PRIM2: variants seen among roughly 807,000 people sequenced by gnomAD.
The protein encoded by PRIM2 is DNA primase subunit 2, also known as DNA primase large subunit.
Under a neutral mutation model 67.3 loss-of-function variants are expected in PRIM2, and 39 were observed. The ratio of observed to expected loss-of-function variants is 0.58; its 90% CI spans 0.45 to 0.76. The LOEUF (loss-of-function observed/expected upper bound fraction) is 0.76. Ranked by LOEUF, PRIM2 falls within the 30% of genes least tolerant of loss-of-function variation. PRIM2 has a pLI of 0.00. For missense variants in PRIM2, 398 were observed against 598.7 expected (o/e 0.66, Z 3.50); for synonymous variants, 143 against 198.7 (o/e 0.72, Z 2.36).
intron 5 of PRIM2, among the ~76,000 whole-genome samples, chr6:57,347,640 T>C (rs7739471): frequency 0.13 from 19,307 of 152,046 alleles, 1,381 homozygotes; most frequent in African/African-American, 0.18. Context: ...AATAAGTTCT[T>C]ACTGTGTTGC....
intron 5 of PRIM2, among the ~76,000 whole-genome samples, chr6:57,326,755 A>G (rs954830818): frequency 1.3e-5 from 2 of 152,148 alleles, no homozygotes; most frequent in Non-Finnish European, 2.9e-5. Flanking sequence ...CAAAAATGTC[A>G]GTAAGATCTG....
At chr6:57,278,981 T>C in the PRIM2 span, among the ~76,000 whole-genome samples, 1 of 152,218 alleles carries the variant, frequency 6.6e-6, no homozygotes, top group Non-Finnish European at 1.5e-5. Flanking sequence ...ATTCAAATAT[T>C]CTGTTATGCT....
intron 5 of PRIM2, among the ~76,000 whole-genome samples, chr6:57,331,855 G>T (rs1768067670): frequency 6.6e-6 from 1 of 151,096 alleles, no homozygotes; most frequent in Admixed American, 6.6e-5. Context: ...ACCAACTTTT[G>T]GTTTCATTGA....
the PRIM2 span, among the ~76,000 whole-genome samples, chr6:57,286,689 T>C: frequency 5.0e-4 from 76 of 152,250 alleles, no homozygotes; most frequent in African/African-American, 1.7e-3. Context: ...ATTCAGGACA[T>C]AGGCATGGGT....
chr6:57,475,523 T>C (rs1468952005), intron 7 of PRIM2, among the ~76,000 whole-genome samples: 3 of 152,216 alleles, frequency 2.0e-5, no homozygotes, highest in Non-Finnish European at 4.4e-5. Flanking sequence ...TTGTAGCATA[T>C]GTCAGTACTC....
intron 7 of PRIM2, among the ~76,000 whole-genome samples, chr6:57,490,107 C>T (rs1773854800): frequency 6.6e-6 from 1 of 151,992 alleles, no homozygotes; most frequent in African/African-American, 2.4e-5. Context: ...AACCAGCTGC[C>T]CCAGGGCACT....
chr6:57,340,486 G>A (rs908913181), intron 5 of PRIM2, among the ~76,000 whole-genome samples: 5 of 152,164 alleles, frequency 3.3e-5, no homozygotes, highest in Non-Finnish European at 7.3e-5. Flanking sequence ...ACTGGATTAA[G>A]TAAATGTGGC....
the PRIM2 span, among the ~76,000 whole-genome samples, chr6:57,284,610 G>A: frequency 6.6e-6 from 1 of 151,890 alleles, no homozygotes; most frequent in Non-Finnish European, 1.5e-5. Context: ...ATTTTAACCA[G>A]AAACAACGCA....
At chr6:57,233,354 A>C in the PRIM2 span, among the ~76,000 whole-genome samples, 4 of 152,242 alleles carry the variant, frequency 2.6e-5, no homozygotes, top group Non-Finnish European at 5.9e-5. Context: ...ATACAAAGAT[A>C]CATAAAACAT....
intron 7 of PRIM2, among the ~76,000 whole-genome samples, chr6:57,484,252 G>A (rs2127406752): frequency 6.6e-6 from 1 of 152,292 alleles, no homozygotes; most frequent in East Asian, 1.9e-4. Context: ...ATTGCATAAA[G>A]CCTTTTTATA....
chr6:57,295,356 A>AT, the PRIM2 span, among the ~76,000 whole-genome samples: 19 of 152,160 alleles, frequency 1.2e-4, no homozygotes, highest in Admixed American at 7.2e-4. Flanking sequence ...AAAAAAAAAA[A>AT]TTTGATTGGG....
At chr6:57,556,124 C>T (rs1775509407) in intron 10 of PRIM2, among the ~76,000 whole-genome samples, 2 of 152,158 alleles carry the variant, frequency 1.3e-5, no homozygotes, top group Non-Finnish European at 2.9e-5. Flanking sequence ...TTAGAAAATA[C>T]TGCTCAAAGA....
intron 10 of PRIM2, among the ~76,000 whole-genome samples, chr6:57,596,424 CTG>C (rs1175931272): frequency 6.6e-6 from 1 of 152,044 alleles, no homozygotes; most frequent in Admixed American, 6.6e-5. Flanking sequence ...TAAAACTAAT[CTG>C]TGGTAACAAA....
chr6:57,268,164 C>T, the PRIM2 span, among the ~76,000 whole-genome samples: 2 of 152,036 alleles, frequency 1.3e-5, no homozygotes, highest in Admixed American at 6.6e-5. Flanking sequence ...CAGTCTCCAG[C>T]GGAAGGGAGG....
chr6:57,274,225 G>C, the PRIM2 span, among the ~76,000 whole-genome samples: 3 of 152,248 alleles, frequency 2.0e-5, no homozygotes, highest in Non-Finnish European at 4.4e-5. Context: ...TGCCCCCAGA[G>C]GTGGAGCCTA....
intron 7 of PRIM2, among the ~76,000 whole-genome samples, chr6:57,483,998 C>G (rs1173090655): frequency 6.6e-6 from 1 of 152,102 alleles, no homozygotes; most frequent in African/African-American, 2.4e-5. Context: ...AAAATGATTA[C>G]GATATTAAAT....
At chr6:57,510,877 A>T (rs1296327329) in intron 8 of PRIM2, among the ~76,000 whole-genome samples, 12 of 151,998 alleles carry the variant, frequency 7.9e-5, no homozygotes, top group African/African-American at 2.9e-4. Context: ...GGCTTGAGAG[A>T]TTTTAATAAT....
chr6:57,332,441 T>G (rs1364047429), intron 5 of PRIM2, among the ~76,000 whole-genome samples: 1 of 152,156 alleles, frequency 6.6e-6, no homozygotes, highest in Admixed American at 6.5e-5. Flanking sequence ...TCTGCCTATT[T>G]GTTCTATCCA....
intron 7 of PRIM2, among the ~76,000 whole-genome samples, chr6:57,451,091 TG>T (rs1465329094): frequency 1.3e-5 from 2 of 152,206 alleles, no homozygotes; most frequent in Non-Finnish European, 2.9e-5. Context: ...TTTTTGATGA[TG>T]CATGAATGTT....
Sources: gnomAD v4.1 joint callset for allele counts (sites outside exome capture counted in the v4.1 genomes callset) on GRCh38, gnomAD v4.1.1 for gene constraint, MANE v1.5 for transcripts, NCBI Gene and HGNC (gene_info 2026-07-23, HGNC 2026-07-21) for gene names.